RBPMS: variants seen among roughly 807,000 people sequenced by gnomAD.
RBPMS encodes the protein RNA binding protein, mRNA processing factor.
In RBPMS, 7 loss-of-function variants were observed where a neutral mutation model predicts 26.8. The ratio of observed to expected loss-of-function variants is 0.26; its 90% CI spans 0.15 to 0.49. The LOEUF is 0.49. Ranked by LOEUF, RBPMS falls within the 20% of genes least tolerant of loss-of-function variation. The pLI is 0.98. For missense variants in RBPMS, 186 were observed against 250.0 expected (o/e 0.74, Z 1.73); for synonymous variants, 96 against 93.3 (o/e 1.03, Z -0.17).
intron 5 of RBPMS, among the ~76,000 whole-genome samples, chr8:30,535,331 A>G (rs557698307): frequency 6.6e-6 from 1 of 152,350 alleles, no homozygotes; most frequent in East Asian, 1.9e-4. Flanking sequence ...ATAGGAGATA[A>G]CAGTTTTGTG....
intron 1 of RBPMS, among the ~76,000 whole-genome samples, chr8:30,429,342 A>G (rs1811690068): frequency 6.6e-6 from 1 of 152,170 alleles, no homozygotes; most frequent in Non-Finnish European, 1.5e-5. Flanking sequence ...TTGCTTCTTG[A>G]AAGCTTTCCT....
chr8:30,503,659 A>G (rs576737677), intron 4 of RBPMS, among the ~76,000 whole-genome samples: 2 of 152,090 alleles, frequency 1.3e-5, no homozygotes, highest in East Asian at 1.9e-4. Flanking sequence ...AGAACACTAA[A>G]TGGCAACTGT....
intron 1 of RBPMS, among the ~76,000 whole-genome samples, chr8:30,433,267 C>T (rs1431741615): frequency 2.0e-5 from 3 of 152,210 alleles, no homozygotes; most frequent in Non-Finnish European, 4.4e-5. Flanking sequence ...AAAAAACTTA[C>T]TCTTTCAATG....
chr8:30,489,550 T>G (rs966255730), intron 4 of RBPMS, among the ~76,000 whole-genome samples: 1 of 151,976 alleles, frequency 6.6e-6, no homozygotes, highest in African/African-American at 2.4e-5. Context: ...GTTCAAGGTA[T>G]TCTTCTGCCT....
At chr8:30,436,588 A>G (rs1348203989) in intron 1 of RBPMS, among the ~76,000 whole-genome samples, 1 of 152,170 alleles carries the variant, frequency 6.6e-6, no homozygotes, top group Admixed American at 6.5e-5. Flanking sequence ...TGTTCTATGC[A>G]AGAACAGGGG....
intron 7 of RBPMS, among the ~76,000 whole-genome samples, chr8:30,561,776 A>C (rs1827508986): frequency 6.6e-6 from 1 of 152,216 alleles, no homozygotes; most frequent in South Asian, 2.1e-4. Flanking sequence ...AGAAGTGGGC[A>C]AAGGATGTTG....
intron 5 of RBPMS, among the ~76,000 whole-genome samples, chr8:30,509,081 A>T (rs1408737952): frequency 6.6e-6 from 1 of 152,192 alleles, no homozygotes; most frequent in African/African-American, 2.4e-5. Flanking sequence ...TCTGTATTTT[A>T]AAAAAATAAT....
In RBPMS at chr8:30,519,458, CTTTTTTTTTTTTTTTTTTTTTTTTT is replaced by C. The variant is rs36017963; in HGVS notation, c.397+15040_397+15064del. ...TCACCCTACGTGGGAGGATCTCTCTCTTTTTTTTTTTTTTTTTTTTTTTTTTTTTTTTTTTTTTTTTTGGAGACGG... is the reference window on the plus strand; with the variant it reads ...TCACCCTACGTGGGAGGATCTCTCTCTTTTTTTTTTTTTTTTTGGAGACGG... On this transcript the variant is annotated intron_variant, in intron 5 of 8. Coordinates refer to ENST00000397323, the MANE Select transcript of RBPMS (RefSeq NM_001008710.3). 8.2e-4 allele frequency among the ~76,000 whole-genome samples: 73 copies of C among 89,490 alleles called. 1 individual carries two copies. Among genetic ancestry groups the C allele is most frequent in the Non-Finnish European group, 9.0e-4 (43 of 47,678 alleles). 58.7% of individuals were successfully genotyped at this position (89,490 alleles called of 152,430 possible).
At chr8:30,568,656 G>A (rs369685283) in intron 8 of RBPMS, among the ~76,000 whole-genome samples, 12 of 152,160 alleles carry the variant, frequency 7.9e-5, no homozygotes, top group African/African-American at 2.7e-4. Flanking sequence ...AGGAGAACCT[G>A]CTCCTAATCA....
At chr8:30,421,899 A>G (rs1188136849) in intron 1 of RBPMS, among the ~76,000 whole-genome samples, 1 of 151,792 alleles carries the variant, frequency 6.6e-6, no homozygotes, top group Non-Finnish European at 1.5e-5. Flanking sequence ...AGGTTGCAGT[A>G]AGTCAAGATC....
chr8:30,426,406 C>G (rs1432182206), intron 1 of RBPMS, among the ~76,000 whole-genome samples: 1 of 152,162 alleles, frequency 6.6e-6, no homozygotes, highest in African/African-American at 2.4e-5. Flanking sequence ...CATTTTCCTA[C>G]TGTTTTCACT....
rs1400620375 is a variant in RBPMS at position 30,501,279 on chromosome 8, C to A, written c.247-3007C>A. On this transcript the variant is annotated intron_variant, in intron 4 of 8. Coordinates refer to ENST00000397323, the MANE Select transcript of RBPMS (RefSeq NM_001008710.3). ...CACCCCACCCCTGACCCCTCCCACC[C>A]CAACACCCTTTCTGCATCCTGTTAC... is the stretch of plus-strand genomic sequence containing the variant. 2.1e-5 allele frequency among the ~76,000 whole-genome samples: 3 copies of A among 142,014 alleles called. No homozygotes were observed. In the East Asian group the frequency reaches 7.4e-4, roughly 35 times the overall value. The allele number at this position is 142,014 out of a possible 152,430, so 93.2% of individuals were successfully genotyped here.
chr8:30,545,185 T>A lies in RBPMS; in HGVS notation c.528+561T>A, dbSNP rs767636510. 3.9e-6 allele frequency: 5 copies of A among 1,295,646 alleles called. 1 individual carries two copies. In the South Asian group the frequency reaches 6.2e-5, roughly 16 times the overall value. The allele number at this position is 1,295,646 out of a possible 1,614,324, so 80.3% of individuals were successfully genotyped here. A position where few individuals can be genotyped will look rare whatever the true frequency, so the allele number is the denominator to read the frequency against. ...TCAGGAAACCCTGTAGAAAAGGAGATACAAGATAGTGTCTAAGATGGAATT... is the reference window on the plus strand; with the variant it reads ...TCAGGAAACCCTGTAGAAAAGGAGAAACAAGATAGTGTCTAAGATGGAATT... On this transcript the variant is annotated intron_variant, in intron 6 of 8. Coordinates refer to ENST00000397323, the MANE Select transcript of RBPMS (RefSeq NM_001008710.3).
At chr8:30,556,596 C>T (rs1268624449) in intron 6 of RBPMS, 7 of 986,348 alleles carry the variant, frequency 7.1e-6, no homozygotes, top group African/African-American at 5.2e-5. Context: ...GCACCAGTCA[C>T]ACCACTGCGC....
At position 30,466,416 on chromosome 8, in the gene RBPMS, C is replaced by T. The variant is rs113432397; in HGVS notation, c.67-8363C>T. Among the ~76,000 whole-genome samples the T allele has an allele frequency of 1.0e-2, 1,519 of 151,958 alleles. 17 individuals carry two copies. Among genetic ancestry groups the T allele is most frequent in the African/African-American group, 0.034 (1,411 of 41,352 alleles). On this transcript the variant is annotated intron_variant, in intron 1 of 8. Transcript: ENST00000397323. ...ATAAGATTAATTGGATGTTGTGGCA[C>T]ACACCTTTAGTCCTAGCTACTTGGT...
chr8:30,457,973 G>C (rs1015041340), intron 1 of RBPMS, among the ~76,000 whole-genome samples: 2 of 152,122 alleles, frequency 1.3e-5, no homozygotes, highest in Admixed American at 6.6e-5. Flanking sequence ...CAGTATTTGT[G>C]GGGGGATCGG....
chr8:30,416,268 G>T (rs1810053660), intron 1 of RBPMS, among the ~76,000 whole-genome samples: 1 of 152,122 alleles, frequency 6.6e-6, no homozygotes, highest in Non-Finnish European at 1.5e-5. Flanking sequence ...CAGTCTAACA[G>T]ACTCTTTGGC....
chr8:30,446,115 C>CA (rs1441800526), intron 1 of RBPMS, among the ~76,000 whole-genome samples: 1 of 152,196 alleles, frequency 6.6e-6, no homozygotes, highest in Non-Finnish European at 1.5e-5. Context: ...TCTTTGTATA[C>CA]ACTTATCTCT....
intron 1 of RBPMS, chr8:30,442,684 GTGCGCGGCCGCACTTCTGGT>G (rs1295430343): frequency 3.3e-5 from 5 of 152,332 alleles, no homozygotes; most frequent in East Asian, 3.9e-4. Context: ...GCTGGGTCAG[GTGCGCGGCCGCACTTCTGGT>G]TGCGCGGCCC....
Sources: gnomAD v4.1 joint callset for allele counts (sites outside exome capture counted in the v4.1 genomes callset) on GRCh38, gnomAD v4.1.1 for gene constraint, MANE v1.5 for transcripts, NCBI Gene and HGNC (gene_info 2026-07-23, HGNC 2026-07-21) for gene names.